PPIP5K1: variants seen among roughly 807,000 people sequenced by gnomAD.
PPIP5K1 encodes inositol hexakisphosphate and diphosphoinositol-pentakisphosphate kinase 1.
A neutral mutation model predicts 27.7 loss-of-function variants in PPIP5K1; 6 were observed. That is an observed-to-expected ratio of 0.22 (90% CI 0.12 to 0.43). PPIP5K1 has a LOEUF of 0.43. PPIP5K1 is among the 20% of genes least tolerant of loss of function. The pLI, the probability that PPIP5K1 is intolerant of heterozygous loss-of-function variation, is 1.00. For synonymous variants in PPIP5K1, 145 were observed against 242.6 expected (o/e 0.60, Z 3.74); for missense variants, 394 against 635.4 (o/e 0.62, Z 4.08).
chr15:43,553,161 C>A (rs1352603986), intron 30 of PPIP5K1, among the ~76,000 whole-genome samples: 1 of 152,132 alleles, frequency 6.6e-6, no homozygotes, highest in African/African-American at 2.4e-5. Context: ...TGTATGACTT[C>A]AACTTTTTAA....
intron 30 of PPIP5K1, among the ~76,000 whole-genome samples, chr15:43,546,364 G>A (rs925169516): frequency 2.0e-5 from 3 of 151,998 alleles, no homozygotes; most frequent in East Asian, 1.9e-4. Context: ...TGGTGTGATC[G>A]TAGCTCACTG....
Position 43,581,126 on chromosome 15 carries a change from G to T in PPIP5K1, c.940-3C>A. Reference sequence around the variant, plus strand: ...AGGTCAAATCCACAAACTGTTTGCTGCAAGGAAAAGAAGAAAGATGAGAAC... The same window carrying T: ...AGGTCAAATCCACAAACTGTTTGCTTCAAGGAAAAGAAGAAAGATGAGAAC... On this transcript the variant is annotated splice_region_variant and splice_polypyrimidine_tract_variant and intron_variant, in intron 9 of 31. Transcript: ENST00000420765. The T allele has an allele frequency of 7.1e-6, 11 of 1,546,052 alleles. No homozygotes were observed. Among genetic ancestry groups the T allele is most frequent in the Non-Finnish European group, 8.7e-6 (10 of 1,154,198 alleles).
intron 31 of PPIP5K1, among the ~76,000 whole-genome samples, chr15:43,535,760 T>C (rs193191544): frequency 8.7e-4 from 132 of 152,298 alleles, no homozygotes; most frequent in African/African-American, 3.1e-3. Flanking sequence ...TACACTCCCA[T>C]CCCAATTCCA....
intron 30 of PPIP5K1, among the ~76,000 whole-genome samples, chr15:43,542,591 C>T (rs2080885857): frequency 6.6e-6 from 1 of 151,782 alleles, no homozygotes; most frequent in Middle Eastern, 3.2e-3. Context: ...CCTCACCTAG[C>T]ACCCAGCTCT....
rs370859351 is a variant in PPIP5K1, at chr15:43,534,781, C to T, written c.4366G>A (p.Ala1456Thr). 8.8e-6 allele frequency: 14 copies of T among 1,584,830 alleles called. No individual in the cohort carries two copies. The highest frequency in any genetic ancestry group is 1.7e-4 in the Middle Eastern group (1 of 5,918). Reference sequence around the variant, plus strand: ...ATGCCCTGAGATAACAGATTGATCGCAGAAGTCTCCTGGGCCAGCCTGCCA... The same window carrying T: ...ATGCCCTGAGATAACAGATTGATCGTAGAAGTCTCCTGGGCCAGCCTGCCA... ...EVGRLAQETS[A>T]INLLSQGIPE... is the part of the protein sequence containing the mutation. The change falls in exon 32 of 32, where the codon GCG (alanine) becomes ACG (threonine). Residue 1456 changes from alanine (A) to threonine (T), a missense_variant. Around this residue, in one of 4 missense-constraint regions of PPIP5K1, gnomAD observed 379 missense variants for 423.9 expected, o/e 0.89. Coordinates refer to ENST00000420765, the MANE Select transcript of PPIP5K1 (RefSeq NM_001394395.1).
chr15:43,579,637 A>G (rs1387953763), intron 10 of PPIP5K1, among the ~76,000 whole-genome samples: 17 of 56,152 alleles, frequency 3.0e-4, no homozygotes, highest in East Asian at 5.4e-4. Context: ...GTGTGTATAT[A>G]TATATATATA....
chr15:43,555,367 C>T (rs922544030), intron 30 of PPIP5K1, among the ~76,000 whole-genome samples: 12 of 152,026 alleles, frequency 7.9e-5, no homozygotes, highest in South Asian at 4.1e-4. Context: ...CCTTCACCTC[C>T]CAGGCTCAGG....
At chr15:43,578,655 CG>C (rs1300314124) in intron 11 of PPIP5K1, among the ~76,000 whole-genome samples, 4 of 58,038 alleles carry the variant, frequency 6.9e-5, no homozygotes, top group African/African-American at 2.0e-4. Context: ...AAGGCCGAGG[CG>C]GGTGGATCAC....
intron 30 of PPIP5K1, among the ~76,000 whole-genome samples, chr15:43,556,371 C>T (rs962188135): frequency 7.9e-5 from 12 of 151,880 alleles, no homozygotes; most frequent in Non-Finnish European, 1.0e-4. Context: ...TGTTGTGGCT[C>T]ACACCTGTAA....
At position 43,579,629 on chromosome 15, in the gene PPIP5K1, GTGTA is replaced by G. The variant is rs1203842999; in HGVS notation, c.1062-513_1062-510del. Among the ~76,000 whole-genome samples, 240 of 56,320 alleles carry G rather than the reference GTGTA, an allele frequency of 4.3e-3. 1 individual carries two copies. Among genetic ancestry groups the G allele is most frequent in the Non-Finnish European group, 5.5e-3 (204 of 37,368 alleles). 36.9% of individuals were successfully genotyped at this position (56,320 alleles called of 152,430 possible). On this transcript the variant is annotated intron_variant, in intron 10 of 31. Transcript: ENST00000420765. ...TGTGTGTGTGTGTGTGTGTGTGTGTGTGTATATATATATATATATATATATTTTT... is the reference window on the plus strand; with the variant it reads ...TGTGTGTGTGTGTGTGTGTGTGTGTGTATATATATATATATATATATTTTT...
At chr15:43,539,695 G>A in intron 30 of PPIP5K1, 112 bp from the exon 31 acceptor site, 1 of 645,596 alleles carries the variant, frequency 1.5e-6, no homozygotes, top group African/African-American at 1.8e-5. Flanking sequence ...TTCCTTGGCT[G>A]AGAAGTAGCA....
At chr15:43,550,370 T>C (rs1415495139) in intron 30 of PPIP5K1, among the ~76,000 whole-genome samples, 1 of 152,068 alleles carries the variant, frequency 6.6e-6, no homozygotes, top group African/African-American at 2.4e-5. Context: ...TGTCTCAAAC[T>C]CCAGGGCTCA....
intron 30 of PPIP5K1, among the ~76,000 whole-genome samples, chr15:43,546,171 G>C (rs1299617101): frequency 6.6e-6 from 1 of 152,068 alleles, no homozygotes; most frequent in Non-Finnish European, 1.5e-5. Context: ...CTTGCATTTG[G>C]CATAATGTTT....
rs766244543 is a variant in PPIP5K1, at chr15:43,535,037, G to C, written c.4110C>G (p.Ser1370=). The change falls in exon 32 of 32, where the codon TCC becomes TCG. Residue 1370 remains serine (S), a synonymous_variant. Transcript: ENST00000420765. The stretch of plus-strand genomic sequence containing the variant: ...CAGAGACTTTCTGGCACAGTTGGCT[G>C]GACTTCTGGCATGGCTGGCTGATGT... ...VPHISQPCQK[S]SQLCQKVSEE... The C allele has an allele frequency of 4.3e-6, 7 of 1,613,604 alleles. No homozygotes were observed. The highest frequency in any genetic ancestry group is 5.9e-6 in the Non-Finnish European group (7 of 1,179,882).
intron 30 of PPIP5K1, among the ~76,000 whole-genome samples, chr15:43,558,010 C>T (rs934603414): frequency 2.0e-5 from 3 of 151,034 alleles, no homozygotes; most frequent in Non-Finnish European, 4.4e-5. Context: ...TCAATGAAAA[C>T]TTTAGAATTC....
intron 31 of PPIP5K1, among the ~76,000 whole-genome samples, chr15:43,536,861 GT>G (rs1306332240): frequency 6.6e-6 from 1 of 152,030 alleles, no homozygotes; most frequent in African/African-American, 2.4e-5. Context: ...CATCATTTTT[GT>G]TGATAATATT....
At chr15:43,556,515 T>C (rs1296641704) in intron 30 of PPIP5K1, among the ~76,000 whole-genome samples, 2 of 141,036 alleles carry the variant, frequency 1.4e-5, no homozygotes, top group Non-Finnish European at 3.0e-5. Flanking sequence ...CACTCCAGCC[T>C]GGGTGACAGA....
intron 30 of PPIP5K1, among the ~76,000 whole-genome samples, chr15:43,558,065 C>CTT (rs35463032): frequency 7.2e-6 from 1 of 138,180 alleles, no homozygotes; most frequent in Non-Finnish European, 1.6e-5. Flanking sequence ...TGCAATTATC[C>CTT]TTTTTTTTTT....
chr15:43,558,231 AT>A (rs10710217), intron 30 of PPIP5K1, among the ~76,000 whole-genome samples: 35,865 of 133,590 alleles, frequency 0.27, 7,680 homozygotes, highest in African/African-American at 0.61. Context: ...TAATGTTTGT[AT>A]TTTTTTTTTT....
Sources: allele counts gnomAD v4.1 joint callset (sites outside exome capture counted in the v4.1 genomes callset), GRCh38; gene constraint gnomAD v4.1.1; regional missense constraint gnomAD v4.1.1; transcripts MANE v1.5; gene names NCBI Gene and HGNC (gene_info 2026-07-23, HGNC 2026-07-21).